Variants in RASGRP1 observed in about 807,000 individuals in gnomAD.
The protein encoded by RASGRP1 is RAS guanyl releasing protein 1.
RASGRP1 carries 37 observed loss-of-function variants against 95.1 expected under a neutral mutation model. The observed-to-expected ratio is 0.39, with a 90% CI of 0.30 to 0.51. RASGRP1 has a LOEUF of 0.51. RASGRP1 is among the 20% of genes least tolerant of loss of function. The pLI is 0.80. For missense variants in RASGRP1, 711 were observed against 965.4 expected, an observed-to-expected ratio of 0.74 and a Z score of 3.49; for synonymous variants, 325 against 353.4, an observed-to-expected ratio of 0.92 and a Z score of 0.90.
Position 38,503,270 on chromosome 15 carries a change from A to C in RASGRP1, c.1428+2T>G. The C allele has an allele frequency of 6.2e-7, 1 of 1,600,874 alleles. No individual in the cohort carries two copies. Among genetic ancestry groups the C allele is most frequent in the Non-Finnish European group, 8.6e-7 (1 of 1,169,508 alleles). ...TTGTGTGCTGAACACAGCTGTACTTACATCCACCATCCTCTGGACGTGTTT... is the reference window on the plus strand; with the variant it reads ...TTGTGTGCTGAACACAGCTGTACTTCCATCCACCATCCTCTGGACGTGTTT... On this transcript the variant is annotated splice_donor_variant, in intron 11 of 16. Coordinates refer to ENST00000310803, the MANE Select transcript of RASGRP1 (RefSeq NM_005739.4). LOFTEE classifies it high-confidence loss of function.
In RASGRP1 at chr15:38,497,680, C is replaced by G. The variant is rs1271439784; in HGVS notation, c.1873+1114G>C. 3.9e-5 allele frequency among the ~76,000 whole-genome samples: 6 copies of G among 152,208 alleles called. No homozygotes were observed. In the East Asian group the frequency reaches 9.6e-4, roughly 24 times the overall value. On this transcript the variant is annotated intron_variant, in intron 15 of 16. Transcript: ENST00000310803. ...CTGCTCTATATTTGTATATTATCTT[C>G]CCCCTAACTAGAACTACTCCATGAA...
intron 2 of RASGRP1, among the ~76,000 whole-genome samples, chr15:38,546,155 GT>G (rs1037974922): frequency 6.6e-6 from 1 of 152,152 alleles, no homozygotes; most frequent in Non-Finnish European, 1.5e-5. Flanking sequence ...GATTGCTACT[GT>G]TTTTGAGTAT....
Position 38,505,920 on chromosome 15 carries a change from A to C in RASGRP1, c.1243T>G (p.Leu415Val). The change falls in exon 10 of 17, where the codon TTA (leucine) becomes GTA (valine). Residue 415 changes from leucine (L) to valine (V), a missense_variant and splice_region_variant. Around this residue, in one of 3 missense-constraint regions of RASGRP1, gnomAD observed 491 missense variants for 676.6 expected, o/e 0.73. Transcript: ENST00000310803. ...ANKDLVHLLT[L>V]SLDLYYTEDE... The stretch of plus-strand genomic sequence containing the variant: ...TCAGTGTAGTAAAGATCCAGGGATA[A>C]CTGCAGATCAAAGCAGAACAGGGTT... The C allele has an allele frequency of 6.2e-7, 1 of 1,606,450 alleles. No homozygotes were observed. Among genetic ancestry groups the C allele is most frequent in the Non-Finnish European group, 8.5e-7 (1 of 1,175,228 alleles).
intron 2 of RASGRP1, among the ~76,000 whole-genome samples, chr15:38,529,096 C>T (rs1344871436): frequency 6.6e-6 from 1 of 152,162 alleles, no homozygotes; most frequent in Non-Finnish European, 1.5e-5. Context: ...CAAACCTGTT[C>T]ATTTCTCTCC....
intron 14 of RASGRP1, chr15:38,499,181 A>C (rs1401376269): frequency 3.0e-6 from 2 of 667,584 alleles, no homozygotes; most frequent in African/African-American, 3.5e-5. Flanking sequence ...CAGTATCCTG[A>C]TATCTTGGAG....
At chr15:38,503,665 T>G (rs1420449524) in intron 10 of RASGRP1, 1 of 393,202 alleles carries the variant, frequency 2.5e-6, no homozygotes, top group Non-Finnish European at 4.6e-6. Context: ...TTAAACCCTT[T>G]GTCAGAGCTA....
At chr15:38,502,887 G>A (rs1891095429) in intron 11 of RASGRP1, 1 of 255,232 alleles carries the variant, frequency 3.9e-6, no homozygotes, top group African/African-American at 2.2e-5. Flanking sequence ...GCATAAGTAT[G>A]AGAATATATA....
chr15:38,529,747 A>C (rs1892366406), intron 2 of RASGRP1, among the ~76,000 whole-genome samples: 3 of 152,240 alleles, frequency 2.0e-5, no homozygotes, highest in Admixed American at 6.5e-5. Flanking sequence ...TGAGTAAATG[A>C]GTGAACTATA....
intron 8 of RASGRP1, among the ~76,000 whole-genome samples, chr15:38,511,082 C>T (rs1380506469): frequency 6.6e-6 from 1 of 152,164 alleles, no homozygotes; most frequent in Non-Finnish European, 1.5e-5. Flanking sequence ...ATTAATAAAA[C>T]ATTATGTATT....
At position 38,516,194 on chromosome 15, in the gene RASGRP1, T is replaced by C; in HGVS notation, c.675+3A>G. ...ATTTTTCTCCTGCCCCTTGCATACA[T>C]ACCGATATCCTCCGGAAAGACTTGA... On this transcript the variant is annotated splice_donor_region_variant and intron_variant, in intron 6 of 16. Transcript: ENST00000310803. 6.3e-7 allele frequency: 1 copy of C among 1,582,890 alleles called. No individual in the cohort carries two copies. The highest frequency in any genetic ancestry group is 8.7e-7 in the Non-Finnish European group (1 of 1,151,710).
chr15:38,500,511 T>G (rs1007536304), intron 13 of RASGRP1, among the ~76,000 whole-genome samples: 6 of 151,854 alleles, frequency 4.0e-5, no homozygotes, highest in African/African-American at 1.4e-4. Flanking sequence ...CCTGGCTAAA[T>G]TTTTTTGTAT....
chr15:38,555,439 G>A (rs1161966427), intron 2 of RASGRP1, among the ~76,000 whole-genome samples: 2 of 152,176 alleles, frequency 1.3e-5, no homozygotes, highest in African/African-American at 2.4e-5. Context: ...AGAAGAGTGG[G>A]CACCAGGTGC....
At position 38,564,685 on chromosome 15, in the gene RASGRP1, C is replaced by A. The variant is rs1893963712; in HGVS notation, c.-57G>T. 4.1e-6 allele frequency: 5 copies of A among 1,206,802 alleles called. No homozygotes were observed. Among genetic ancestry groups the A allele is most frequent in the Admixed American group, 8.9e-5 (2 of 22,484 alleles). 74.8% of individuals were successfully genotyped at this position (1,206,802 alleles called of 1,614,324 possible). On this transcript the variant is annotated 5_prime_UTR_variant, in exon 1 of 17. Coordinates refer to ENST00000310803, the MANE Select transcript of RASGRP1 (RefSeq NM_005739.4). ...CCTAGCGCGGCCGGGCGCGGCGCAT[C>A]GCCCCCGCCACCACCGCCGCCGCCT...
At chr15:38,553,144 C>G (rs1039202752) in intron 2 of RASGRP1, among the ~76,000 whole-genome samples, 1 of 152,352 alleles carries the variant, frequency 6.6e-6, no homozygotes, top group South Asian at 2.1e-4. Context: ...ACTCTTTCCC[C>G]GTTCTTTTCC....
At chr15:38,529,418 C>T (rs555914159) in intron 2 of RASGRP1, among the ~76,000 whole-genome samples, 48 of 152,288 alleles carry the variant, frequency 3.2e-4, no homozygotes, top group African/African-American at 1.1e-3. Context: ...CTTATTCCTA[C>T]CTCAGGGCCT....
chr15:38,545,219 T>C (rs1393250443), intron 2 of RASGRP1, among the ~76,000 whole-genome samples: 1 of 152,230 alleles, frequency 6.6e-6, no homozygotes, highest in Non-Finnish European at 1.5e-5. Context: ...ACAGATGTTA[T>C]TTCTGTATAA....
chr15:38,558,176 G>A (rs1157534365), intron 2 of RASGRP1, among the ~76,000 whole-genome samples: 1 of 152,160 alleles, frequency 6.6e-6, no homozygotes, highest in East Asian at 1.9e-4. Context: ...AATGGTGTAA[G>A]GAACTTTGCA....
chr15:38,562,543 G>A lies in RASGRP1; in HGVS notation c.35+2051C>T, dbSNP rs376650865. 5.3e-5 allele frequency among the ~76,000 whole-genome samples: 8 copies of A among 152,370 alleles called. No individual in the cohort carries two copies. In the East Asian group the frequency reaches 1.3e-3, roughly 26 times the overall value. ...TACTCAGCTTTCTGCCCCAGCTGCTGCCTTTGTCACCATTAAGACCTCCAC... is the reference window on the plus strand; with the variant it reads ...TACTCAGCTTTCTGCCCCAGCTGCTACCTTTGTCACCATTAAGACCTCCAC... On this transcript the variant is annotated intron_variant, in intron 1 of 16. Transcript: ENST00000310803.
chr15:38,554,175 A>C (rs1204906541), intron 2 of RASGRP1, among the ~76,000 whole-genome samples: 1 of 152,200 alleles, frequency 6.6e-6, no homozygotes, highest in East Asian at 1.9e-4. Flanking sequence ...CCTCGGGGGA[A>C]GACTGACCAG....
Sources: allele counts gnomAD v4.1 joint callset (sites outside exome capture counted in the v4.1 genomes callset), GRCh38; gene constraint gnomAD v4.1.1; regional missense constraint gnomAD v4.1.1; transcripts MANE v1.5; gene names NCBI Gene and HGNC (gene_info 2026-07-23, HGNC 2026-07-21).